TENM1: variants seen among roughly 807,000 people sequenced by gnomAD.
The protein encoded by TENM1 is teneurin-1.
A neutral mutation model predicts 174.8 loss-of-function variants in TENM1; 35 were observed. The observed-to-expected ratio is 0.20, with a 90% CI of 0.15 to 0.27. The LOEUF (loss-of-function observed/expected upper bound fraction) is 0.27. Ranked by LOEUF, TENM1 falls within the 10% of genes least tolerant of loss-of-function variation. TENM1 has a pLI of 1.00. For missense variants in TENM1, 1,633 were observed against 2,130.1 expected (o/e 0.77, Z 4.59); for synonymous variants, 781 against 798.7 (o/e 0.98, Z 0.37).
the TENM1 span, among the ~76,000 whole-genome samples, chrX:125,179,181 C>T: frequency 1.8e-5 from 2 of 111,412 alleles, no homozygotes; most frequent in East Asian, 2.8e-4. Context: ...ATTATTCTAC[C>T]CCCTCCCAGA....
intron 3 of TENM1, among the ~76,000 whole-genome samples, chrX:124,854,815 A>C (rs2056785228): frequency 8.9e-6 from 1 of 112,072 alleles, no homozygotes; most frequent in African/African-American, 3.2e-5. Context: ...AAAGATTTTC[A>C]AAATAGAAAA....
At chrX:124,960,786 G>A (rs2058641119) in intron 1 of TENM1, among the ~76,000 whole-genome samples, 1 of 112,020 alleles carries the variant, frequency 8.9e-6, no homozygotes, top group South Asian at 3.7e-4. Flanking sequence ...TTCATCTTCT[G>A]TAAAGACAAA....
At chrX:124,786,808 C>T (rs751065513) in intron 3 of TENM1, among the ~76,000 whole-genome samples, 1 of 111,290 alleles carries the variant, frequency 9.0e-6, no homozygotes, top group South Asian at 3.8e-4. Flanking sequence ...CCTTCCCCTT[C>T]CTATCCATGA....
chrX:124,775,151 T>C (rs1290790583), intron 3 of TENM1, among the ~76,000 whole-genome samples: 2 of 110,025 alleles, frequency 1.8e-5, no homozygotes, highest in Non-Finnish European at 3.8e-5. Flanking sequence ...CTACTAAAAA[T>C]ACAAGTTAGC....
At chrX:124,799,329 G>A (rs1280952987) in intron 3 of TENM1, among the ~76,000 whole-genome samples, 2 of 111,559 alleles carry the variant, frequency 1.8e-5, no homozygotes, top group Non-Finnish European at 3.8e-5. Flanking sequence ...CCATGAGCAT[G>A]GAATATTTTT....
At chrX:124,581,031 C>T (rs957891703) in intron 11 of TENM1, among the ~76,000 whole-genome samples, 2 of 107,248 alleles carry the variant, frequency 1.9e-5, no homozygotes, top group Non-Finnish European at 3.8e-5. Context: ...CAGTTCCATC[C>T]GTGTGGCTAC....
chrX:124,642,145 T>G (rs183895504), intron 10 of TENM1, among the ~76,000 whole-genome samples, 154 bp from the exon 14 acceptor site: 55 of 112,413 alleles, frequency 4.9e-4, no homozygotes, highest in Admixed American at 9.4e-4. Context: ...ATGCAAACAC[T>G]CTGTCCAAAC....
At chrX:125,002,428 G>T in the TENM1 span, among the ~76,000 whole-genome samples, 1 of 111,019 alleles carries the variant, frequency 9.0e-6, no homozygotes, top group Non-Finnish European at 1.9e-5. Context: ...GAGACCTTGG[G>T]TTGTGTATAT....
chrX:124,450,346 C>G (rs758960816), intron 23 of TENM1, among the ~76,000 whole-genome samples: 1 of 82,597 alleles, frequency 1.2e-5, no homozygotes, highest in Non-Finnish European at 2.3e-5. Context: ...GGCCACAGAG[C>G]GAGACTCCGT....
rs759848283 is a variant in TENM1 at position 124,664,825 on chromosome X, C to T, written c.1168+6858G>A. Among the ~76,000 whole-genome samples, 5 of 109,393 alleles carry T rather than the reference C, an allele frequency of 4.6e-5. No homozygotes were observed. In the East Asian group the frequency reaches 1.5e-3, roughly 32 times the overall value. 95.0% of individuals were successfully genotyped at this position (109,393 alleles called of 115,157 possible). A position where few individuals can be genotyped will look rare whatever the true frequency, so the allele number is the denominator to read the frequency against. On this transcript the variant is annotated intron_variant, in intron 6 of 31. Transcript: ENST00000422452. Reference sequence around the variant, plus strand: ...CTTAAGGAAGAGTACAGTATTTGAACTGTATGCATTGAGATTTTTAATCAA... The same window carrying T: ...CTTAAGGAAGAGTACAGTATTTGAATTGTATGCATTGAGATTTTTAATCAA...
chrX:124,722,839 C>CAA (rs761441453), intron 4 of TENM1, among the ~76,000 whole-genome samples: 329 of 24,319 alleles, frequency 0.014, 5 homozygotes, highest in African/African-American at 0.038. Flanking sequence ...GACTCCGTCT[C>CAA]AAAAAAAAAA....
upstream of TENM1, among the ~76,000 whole-genome samples, chrX:124,965,067 T>TTGATTGA (rs767255886): frequency 2.3e-3 from 222 of 97,509 alleles, no homozygotes; most frequent in African/African-American, 0.012. Flanking sequence ...TATTGATCAA[T>TTGATTGA]TTGATTGATT....
intron 16 of TENM1, among the ~76,000 whole-genome samples, chrX:124,527,273 T>G (rs1306969615): frequency 8.9e-6 from 1 of 111,968 alleles, no homozygotes; most frequent in Non-Finnish European, 1.9e-5. Flanking sequence ...CTTCATACTT[T>G]TAAAGGGCTC....
the TENM1 span, among the ~76,000 whole-genome samples, chrX:125,099,018 A>C: frequency 2.7e-5 from 3 of 112,308 alleles, no homozygotes; most frequent in Non-Finnish European, 1.9e-5. Flanking sequence ...CAAGGACATA[A>C]ACGTTTATTT....
At chrX:124,848,477 G>A (rs1302491044) in intron 3 of TENM1, among the ~76,000 whole-genome samples, 1 of 111,189 alleles carries the variant, frequency 9.0e-6, no homozygotes, top group African/African-American at 3.3e-5. Context: ...AATAAACACT[G>A]TTGCTAGGAT....
intron 18 of TENM1, among the ~76,000 whole-genome samples, chrX:124,510,323 G>A (rs1771047662): frequency 8.9e-6 from 1 of 112,448 alleles, no homozygotes; most frequent in Non-Finnish European, 1.9e-5. Flanking sequence ...TAAGGGGGAA[G>A]ACCCGCAATT....
the TENM1 span, among the ~76,000 whole-genome samples, chrX:125,111,211 TA>T: frequency 8.9e-6 from 1 of 111,826 alleles, no homozygotes; most frequent in Non-Finnish European, 1.9e-5. Flanking sequence ...GCGGTGCACC[TA>T]AACAATCAAC....
the TENM1 span, among the ~76,000 whole-genome samples, chrX:125,159,723 CTG>C: frequency 1.8e-5 from 2 of 111,824 alleles, no homozygotes; most frequent in Non-Finnish European, 3.8e-5. Flanking sequence ...TGACCAGACT[CTG>C]TTATTGGTCT....
intron 1 of TENM1, among the ~76,000 whole-genome samples, chrX:124,911,336 T>C (rs2057833753): frequency 9.0e-6 from 1 of 111,393 alleles, no homozygotes; most frequent in Admixed American, 9.6e-5. Context: ...CCAGGCAGAT[T>C]AGAGAGAAGG....
Sources: gnomAD v4.1 joint callset for allele counts (sites outside exome capture counted in the v4.1 genomes callset) on GRCh38, gnomAD v4.1.1 for gene constraint, MANE v1.5 for transcripts, NCBI Gene and HGNC (gene_info 2026-07-23, HGNC 2026-07-21) for gene names.